The following CDH20 variants were observed in gnomAD, a reference collection of about 807,000 sequenced individuals.
CDH20 encodes cadherin 20, also known as cadherin-20.
Under a neutral mutation model 74.2 loss-of-function variants are expected in CDH20, and 29 were observed. The ratio of observed to expected loss-of-function variants is 0.39; its 90% confidence interval spans 0.29 to 0.53. The LOEUF (loss-of-function observed/expected upper bound fraction) is 0.53, where lower values mean the gene tolerates loss of function less well. Among genes scored for constraint, CDH20 ranks in the 20% least tolerant of loss-of-function variants. The pLI is 0.69. For missense variants in CDH20, 988 were observed against 1,048.3 expected, an observed-to-expected ratio of 0.94 and a Z score of 0.79; for synonymous variants, 469 against 405.4, an observed-to-expected ratio of 1.16 and a Z score of -1.88.
At chr18:61,363,735 C>T (rs143145623) in intron 1 of CDH20, among the ~76,000 whole-genome samples, 2 of 152,068 alleles carry the variant, frequency 1.3e-5, no homozygotes, top group East Asian at 1.9e-4. Flanking sequence ...AATTTTATTT[C>T]GTCTTACTTA....
At chr18:61,548,013 A>T (rs1396711451) in intron 10 of CDH20, among the ~76,000 whole-genome samples, 2 of 152,136 alleles carry the variant, frequency 1.3e-5, no homozygotes, top group Non-Finnish European at 2.9e-5. Context: ...AAACCAAAAA[A>T]ATAAAAAAAA....
At chr18:61,551,456 G>C (rs966660186) in intron 11 of CDH20, among the ~76,000 whole-genome samples, 2 of 152,188 alleles carry the variant, frequency 1.3e-5, no homozygotes, top group Admixed American at 1.3e-4. Context: ...AAGTTCCTGT[G>C]TAAAATGTCA....
In CDH20 at chr18:61,498,883, T is replaced by C. The variant is rs139739796; in HGVS notation, c.247-303T>C. On this transcript the variant is annotated intron_variant, in intron 2 of 11. Coordinates refer to ENST00000262717, the MANE Select transcript of CDH20 (RefSeq NM_031891.4). ...TATTAAATTTGTTCTTATTCTAACA[T>C]TGGGGATCTTCACTTTCCAGAGTTC... Among the ~76,000 whole-genome samples, 730 of 152,272 alleles carry C rather than the reference T, an allele frequency of 4.8e-3. 9 individuals are homozygous for C. Among genetic ancestry groups the C allele is most frequent in the African/African-American group, 0.017 (714 of 41,556 alleles).
In CDH20 at chr18:61,499,121, A is replaced by G. The variant is rs1911270181; in HGVS notation, c.247-65A>G. On this transcript the variant is annotated intron_variant, in intron 2 of 11. Transcript: ENST00000262717. ...AGGTTATAAGTTTGTAACAAACTGAAAATCAATGTGTTTTCTGACACCTGT... is the reference window on the plus strand; with the variant it reads ...AGGTTATAAGTTTGTAACAAACTGAGAATCAATGTGTTTTCTGACACCTGT... 6 of 1,302,842 alleles carry G rather than the reference A, an allele frequency of 4.6e-6. No individual in the cohort carries two copies. The East Asian group carries it at 1.4e-4, about 31-fold the overall frequency. The allele number at this position is 1,302,842 out of a possible 1,614,324, so 80.7% of individuals were successfully genotyped here. A position where few individuals can be genotyped will look rare whatever the true frequency, so the allele number is the denominator to read the frequency against.
chr18:61,396,441 G>T (rs192008533), intron 1 of CDH20, among the ~76,000 whole-genome samples: 1 of 151,898 alleles, frequency 6.6e-6, no homozygotes, highest in African/African-American at 2.4e-5. Flanking sequence ...TGCTCAGAGG[G>T]CTTAAAACAT....
chr18:61,389,270 A>T (rs1315942647), intron 1 of CDH20, among the ~76,000 whole-genome samples: 1 of 152,224 alleles, frequency 6.6e-6, no homozygotes, highest in Non-Finnish European at 1.5e-5. Context: ...TTACAACGAG[A>T]AAAGTAAAAC....
At chr18:61,390,491 T>C (rs62098083) in intron 1 of CDH20, among the ~76,000 whole-genome samples, 14,396 of 152,144 alleles carry the variant, frequency 0.095, 1,234 homozygotes, top group African/African-American at 0.22. Flanking sequence ...AATTCTAAAA[T>C]CCATTTTGAA....
intron 3 of CDH20, 83 bp downstream of exon 3, chr18:61,499,563 C>T (rs1911289999): frequency 2.8e-6 from 3 of 1,053,072 alleles, no homozygotes; most frequent in Middle Eastern, 3.2e-4. Flanking sequence ...TGCACACACA[C>T]ATGTAGATAC....
chr18:61,406,051 A>T (rs1387573869), intron 1 of CDH20, among the ~76,000 whole-genome samples: 1 of 152,162 alleles, frequency 6.6e-6, no homozygotes, highest in East Asian at 1.9e-4. Context: ...CTGGCCAATT[A>T]GTCAATGCTA....
At chr18:61,484,390 T>C (rs140066226) in intron 1 of CDH20, among the ~76,000 whole-genome samples, 2 of 152,260 alleles carry the variant, frequency 1.3e-5, no homozygotes, top group Admixed American at 6.5e-5. Context: ...TCCTGACTCC[T>C]TGAGGATTAA....
intron 1 of CDH20, among the ~76,000 whole-genome samples, chr18:61,453,621 C>T (rs1346889490): frequency 6.6e-6 from 1 of 152,188 alleles, no homozygotes; most frequent in Non-Finnish European, 1.5e-5. Context: ...AGCAATTTAT[C>T]CAAGGCATTG....
chr18:61,460,098 A>C (rs538470897), intron 1 of CDH20, among the ~76,000 whole-genome samples: 26 of 152,274 alleles, frequency 1.7e-4, no homozygotes, highest in East Asian at 5.8e-4. Context: ...AACAAACAAA[A>C]AAAAATGACC....
chr18:61,350,876 A>C (rs1385979023), intron 1 of CDH20, among the ~76,000 whole-genome samples: 1 of 152,180 alleles, frequency 6.6e-6, no homozygotes, highest in Admixed American at 6.5e-5. Context: ...ACAGTTAGTA[A>C]TAAAGATGCC....
At chr18:61,370,721 A>G (rs1032564713) in intron 1 of CDH20, among the ~76,000 whole-genome samples, 5 of 152,070 alleles carry the variant, frequency 3.3e-5, no homozygotes, top group Admixed American at 1.3e-4. Context: ...ATTGCTGTAA[A>G]CTGGATCTCC....
intron 2 of CDH20, among the ~76,000 whole-genome samples, chr18:61,494,914 T>C (rs1230159880): frequency 2.0e-5 from 3 of 152,192 alleles, no homozygotes. Context: ...CTCTGAAAGA[T>C]GACAAAAGGA....
intron 1 of CDH20, among the ~76,000 whole-genome samples, chr18:61,457,968 G>T (rs970040345): frequency 1.3e-5 from 2 of 152,134 alleles, no homozygotes; most frequent in Non-Finnish European, 2.9e-5. Flanking sequence ...TATGAGTAAA[G>T]GAGCTAGTCT....
At chr18:61,357,264 C>A (rs1221364659) in intron 1 of CDH20, among the ~76,000 whole-genome samples, 3 of 152,146 alleles carry the variant, frequency 2.0e-5, no homozygotes, top group Admixed American at 6.5e-5. Context: ...CAAATATAAA[C>A]CCTACAGAAT....
At chr18:61,542,807 T>A (rs1028570259) in intron 9 of CDH20, among the ~76,000 whole-genome samples, 2 of 152,092 alleles carry the variant, frequency 1.3e-5, no homozygotes, top group Non-Finnish European at 2.9e-5. Context: ...CATGTGCAGA[T>A]CACATGGTGA....
intron 1 of CDH20, among the ~76,000 whole-genome samples, chr18:61,431,998 A>T (rs1440334085): frequency 2.6e-5 from 4 of 152,074 alleles, no homozygotes; most frequent in Non-Finnish European, 5.9e-5. Flanking sequence ...GCACTTTGGG[A>T]TGTCGAGGCG....
Sources: allele counts gnomAD v4.1 joint callset (sites outside exome capture counted in the v4.1 genomes callset), GRCh38; gene constraint gnomAD v4.1.1; transcripts MANE v1.5; gene names NCBI Gene and HGNC (gene_info 2026-07-23, HGNC 2026-07-21).